Variants in KIAA0232 observed in about 807,000 individuals in gnomAD.
KIAA0232 encodes uncharacterized protein KIAA0232.
In KIAA0232, 27 loss-of-function variants were observed where a neutral mutation model predicts 122.0. The observed-to-expected ratio is 0.22, with a 90% CI of 0.16 to 0.31. KIAA0232 has a LOEUF of 0.31. Ranked by LOEUF, KIAA0232 falls within the 10% of genes least tolerant of loss-of-function variation. The probability of loss-of-function intolerance (pLI) is 1.00; values close to 1 mark genes in which losing one functional copy is unlikely to be tolerated. For missense variants in KIAA0232, 1,551 were observed against 1,634.2 expected, an observed-to-expected ratio of 0.95 and a Z score of 0.88; for synonymous variants, 613 against 587.6, an observed-to-expected ratio of 1.04 and a Z score of -0.63.
chr4:6,861,444 C>T lies in KIAA0232; in HGVS notation c.1062C>T (p.Ser354=). ...TTCATACTGGAAGTAGTAGCAGTAG[C>T]AGCAGTGGTTCTGTCAAACAGCTGT... ...RNIHTGSSSS[S]SSGSVKQLCK... The change falls in exon 7 of 10, where the codon AGC becomes AGT. Residue 354 remains serine (S), a synonymous_variant. Transcript: ENST00000307659. 2 of 1,614,174 alleles carry T rather than the reference C, an allele frequency of 1.2e-6. No homozygotes were observed. The highest frequency in any genetic ancestry group is 1.6e-4 in the Middle Eastern group (1 of 6,062).
At chr4:6,845,609 C>T (rs1229521677) in intron 4 of KIAA0232, among the ~76,000 whole-genome samples, 39 of 150,462 alleles carry the variant, frequency 2.6e-4, no homozygotes, top group African/African-American at 8.1e-4. Context: ...TTTTAACAAG[C>T]GAGAAGTTAA....
chr4:6,828,989 T>G (rs1392563657), intron 3 of KIAA0232, among the ~76,000 whole-genome samples: 2 of 151,878 alleles, frequency 1.3e-5, no homozygotes, highest in Non-Finnish European at 2.9e-5. Context: ...TTCTCCCTCA[T>G]CTAGTATCTA....
intron 8 of KIAA0232, among the ~76,000 whole-genome samples, chr4:6,873,819 TA>T (rs1721618021): frequency 6.6e-6 from 1 of 152,226 alleles, no homozygotes; most frequent in Admixed American, 6.5e-5. Flanking sequence ...AGTCCCTGCA[TA>T]TTTGCCCTGT....
intron 3 of KIAA0232, among the ~76,000 whole-genome samples, chr4:6,825,108 G>A (rs1414307826): frequency 6.6e-6 from 1 of 152,204 alleles, no homozygotes; most frequent in South Asian, 2.1e-4. Context: ...TTATCTGCAA[G>A]AATGATGTTT....
intron 5 of KIAA0232, among the ~76,000 whole-genome samples, chr4:6,858,156 A>G (rs968948826): frequency 3.9e-5 from 6 of 152,240 alleles, no homozygotes; most frequent in African/African-American, 1.2e-4. Context: ...AGGGGACTTC[A>G]GTCTCTTAAT....
chr4:6,840,799 T>G (rs1480799607), intron 3 of KIAA0232, among the ~76,000 whole-genome samples: 1 of 151,812 alleles, frequency 6.6e-6, no homozygotes, highest in East Asian at 1.9e-4. Flanking sequence ...ATTACAGACA[T>G]GAGCCATCGC....
chr4:6,808,631 T>G (rs1717743452), intron 2 of KIAA0232, among the ~76,000 whole-genome samples: 1 of 151,840 alleles, frequency 6.6e-6, no homozygotes, highest in Non-Finnish European at 1.5e-5. Flanking sequence ...GCACAGTGCC[T>G]TGTACACAAG....
At chr4:6,809,646 T>A (rs113359694) in intron 2 of KIAA0232, among the ~76,000 whole-genome samples, 1 of 7,844 alleles carries the variant, frequency 1.3e-4, no homozygotes, top group African/African-American at 5.0e-4. Context: ...ATTATATCCC[T>A]GTTTGCCAAT....
At chr4:6,792,153 G>A (rs540286802) in intron 1 of KIAA0232, among the ~76,000 whole-genome samples, 2 of 152,194 alleles carry the variant, frequency 1.3e-5, no homozygotes, top group African/African-American at 4.8e-5. Flanking sequence ...GTCTTTATCA[G>A]CATTGCAAAA....
intron 3 of KIAA0232, among the ~76,000 whole-genome samples, chr4:6,836,521 CCTTTTT>C (rs1242181744): frequency 1.5e-5 from 2 of 134,924 alleles, no homozygotes; most frequent in African/African-American, 5.6e-5. Flanking sequence ...GGTTGTTTGT[CCTTTTT>C]CTTTTTTTTT....
At chr4:6,790,457 C>T (rs959732612) in intron 1 of KIAA0232, among the ~76,000 whole-genome samples, 4 of 145,140 alleles carry the variant, frequency 2.8e-5, no homozygotes, top group East Asian at 2.0e-4. Context: ...TGCGGTGGCA[C>T]GATCACAGCT....
chr4:6,846,682 G>T (rs1187853131), intron 4 of KIAA0232, among the ~76,000 whole-genome samples: 2 of 152,000 alleles, frequency 1.3e-5, no homozygotes, highest in Non-Finnish European at 1.5e-5. Flanking sequence ...TTTAACTATT[G>T]CCTGCTGCAA....
intron 6 of KIAA0232, among the ~76,000 whole-genome samples, chr4:6,860,422 A>G (rs1252259189): frequency 1.3e-5 from 2 of 152,210 alleles, no homozygotes; most frequent in Non-Finnish European, 2.9e-5. Flanking sequence ...TTAACCGCAT[A>G]TATTTTCAAC....
rs779684118 is a variant in KIAA0232, at chr4:6,863,713, A to G, written c.3331A>G (p.Ile1111Val). 1.2e-5 allele frequency: 19 copies of G among 1,614,096 alleles called. No homozygotes were observed. The highest frequency in any genetic ancestry group is 4.0e-5 in the African/African-American group (3 of 74,940). The change falls in exon 7 of 10, where the codon ATT (isoleucine) becomes GTT (valine). Residue 1111 changes from isoleucine (I) to valine (V), a missense_variant. Coordinates refer to ENST00000307659, the MANE Select transcript of KIAA0232 (RefSeq NM_014743.3). ...CTCTCCTCGGACTCACTTTCGCCCA[A>G]TTTCTGCATCCGAACTGTCCCCAGG... ...RISPRTHFRP[I>V]SASELSPGGG...
intron 1 of KIAA0232, among the ~76,000 whole-genome samples, chr4:6,785,476 TG>T (rs1364659874): frequency 1.3e-5 from 2 of 152,244 alleles, no homozygotes; most frequent in Admixed American, 6.5e-5. Flanking sequence ...TGATGACACC[TG>T]TTTCACAGAA....
chr4:6,865,407 C>G (rs1419908761), intron 7 of KIAA0232, among the ~76,000 whole-genome samples: 2 of 152,250 alleles, frequency 1.3e-5, no homozygotes, highest in Non-Finnish European at 2.9e-5. Context: ...TCAAGTGATT[C>G]TCCTGCCTCA....
intron 1 of KIAA0232, among the ~76,000 whole-genome samples, chr4:6,801,786 C>T (rs1396121548): frequency 1.3e-5 from 2 of 151,900 alleles, no homozygotes; most frequent in African/African-American, 2.4e-5. Flanking sequence ...AAAGTAGAAA[C>T]GTGGATTCTG....
At chr4:6,803,089 G>A (rs1207195969) in intron 1 of KIAA0232, among the ~76,000 whole-genome samples, 2 of 151,132 alleles carry the variant, frequency 1.3e-5, no homozygotes, top group African/African-American at 2.4e-5. Flanking sequence ...GGTGAGGTGG[G>A]AGGATCACTT....
At chr4:6,875,530 C>T (rs1302048634) in intron 8 of KIAA0232, among the ~76,000 whole-genome samples, 1 of 152,158 alleles carries the variant, frequency 6.6e-6, no homozygotes, top group African/African-American at 2.4e-5. Context: ...CCCAGCAGGG[C>T]CCAGATGGTC....
Sources: gnomAD v4.1 joint callset for allele counts (sites outside exome capture counted in the v4.1 genomes callset) on GRCh38, gnomAD v4.1.1 for gene constraint, MANE v1.5 for transcripts, NCBI Gene and HGNC (gene_info 2026-07-23, HGNC 2026-07-21) for gene names.